The following FAAH variants were observed in gnomAD, a reference collection of about 807,000 sequenced individuals.
The protein encoded by FAAH is fatty acid amide hydrolase.
A neutral mutation model predicts 69.7 loss-of-function variants in FAAH; 63 were observed. The observed-to-expected ratio is 0.90, with a 90% CI of 0.74 to 1.12. The LOEUF (loss-of-function observed/expected upper bound fraction) is 1.12, where lower values mean the gene tolerates loss of function less well. Ranked by LOEUF, FAAH falls within the 50% of genes most tolerant of loss-of-function variation. FAAH has a pLI of 0.00. For synonymous variants in FAAH, 305 were observed against 324.2 expected, an observed-to-expected ratio of 0.94 and a Z score of 0.64; for missense variants, 680 against 755.0, an observed-to-expected ratio of 0.90 and a Z score of 1.16.
At chr1:46,403,091 T>C (rs1664732424) in intron 2 of FAAH, among the ~76,000 whole-genome samples, 2 of 151,620 alleles carry the variant, frequency 1.3e-5, no homozygotes, top group African/African-American at 4.8e-5. Flanking sequence ...GCCTCGGCCT[T>C]CCAAAGTGCT....
At position 46,410,409 on chromosome 1, in the gene FAAH, T is replaced by C; in HGVS notation, c.1187T>C (p.Phe396Ser). Residue 396 changes from phenylalanine (F) to serine (S), a missense_variant, in exon 10 of 15, where the codon TTC becomes TCC. Physicochemically the swap from Phe to Ser is radical, Grantham distance 155. Coordinates refer to ENST00000243167, the MANE Select transcript of FAAH (RefSeq NM_001441.3). This position sits in a 1 kb window ranked among gnomAD's most constrained non-coding sequence, Gnocchi z 4.9. The stretch of plus-strand genomic sequence containing the variant: ...ATTTTGTTTCCCAGCAAAGGTGATT[T>C]CGTGGACCCCTGCCTGGGGGACCTG... ...HTFLQNFKGD[F>S]VDPCLGDLVS... 2 of 1,614,104 alleles carry C rather than the reference T, an allele frequency of 1.2e-6. No individual in the cohort carries two copies. Among genetic ancestry groups the C allele is most frequent in the South Asian group, 2.2e-5 (2 of 91,084 alleles).
rs77520097 is a variant in FAAH, at chr1:46,405,699, C to T, written c.690C>T (p.Ser230=). 14 of 1,613,440 alleles carry T rather than the reference C, an allele frequency of 8.7e-6. No homozygotes were observed. The East Asian group carries it at 2.0e-4, about 23-fold the overall frequency. Residue 230 remains serine (S), a synonymous_variant, in exon 5 of 15, where the codon TCC becomes TCT. Transcript: ENST00000243167. This position sits in a 1 kb window ranked among gnomAD's most constrained non-coding sequence, Gnocchi z 4.1. ...GGGCCCTCATCGGGTCTGGAGGCTC[C>T]CCCCTGGGCTTAGGCACTGATATCG... The part of the protein sequence containing the change: ...GEGALIGSGG[S]PLGLGTDIGG...
intron 14 of FAAH, 45 bp downstream of exon 14, chr1:46,413,265 ACT>A (rs946312558): frequency 1.9e-6 from 3 of 1,613,382 alleles, no homozygotes; most frequent in Admixed American, 1.7e-5. Context: ...CCCCACCCTG[ACT>A]CTGGCCGCTG....
Position 46,404,288 on chromosome 1 carries a change from A to G in FAAH, c.310-726A>G, listed in dbSNP as rs1224777835. The stretch of plus-strand genomic sequence containing the variant: ...TTTGCACATGCCTGAATATGGCAAC[A>G]CAGCCCACCCTGTTTCCCCCAGATA... On this transcript the variant is annotated intron_variant, in intron 2 of 14. Transcript: ENST00000243167. The surrounding 1 kb of genome is among the most constrained non-coding windows in gnomAD (Gnocchi z 4.5). Among the ~76,000 whole-genome samples the G allele has an allele frequency of 6.6e-6, 1 of 152,218 alleles. No individual in the cohort carries two copies. Among genetic ancestry groups the G allele is most frequent in the Non-Finnish European group, 1.5e-5 (1 of 68,036 alleles).
At chr1:46,395,424 A>C (rs939838100) in intron 1 of FAAH, among the ~76,000 whole-genome samples, 2 of 152,148 alleles carry the variant, frequency 1.3e-5, no homozygotes, top group African/African-American at 4.8e-5. Context: ...GTGGTCTGTC[A>C]ACAAGCTTTT....
intron 1 of FAAH, among the ~76,000 whole-genome samples, chr1:46,400,245 A>G (rs1453475231): frequency 6.6e-6 from 1 of 151,890 alleles, no homozygotes; most frequent in Non-Finnish European, 1.5e-5. Context: ...GTCTGAGAGG[A>G]CCACAGCTTG....
In FAAH at chr1:46,413,684, CT is replaced by C; in HGVS notation, c.*111del. ...GGAAATGTCCTGCATGGGGCAGAGG[CT>C]TCCGTGTCCTCTCCCCCAACCCCCT... On this transcript the variant is annotated 3_prime_UTR_variant, in exon 15 of 15. Coordinates refer to ENST00000243167, the MANE Select transcript of FAAH (RefSeq NM_001441.3). 1 of 1,505,428 alleles carries C rather than the reference CT, an allele frequency of 6.6e-7. No individual in the cohort carries two copies. The highest frequency in any genetic ancestry group is 9.1e-7 in the Non-Finnish European group (1 of 1,096,752). The allele number at this position is 1,505,428 out of a possible 1,614,324, so 93.3% of individuals were successfully genotyped here.
chr1:46,399,377 G>C (rs1557756841), intron 1 of FAAH, among the ~76,000 whole-genome samples: 1 of 152,248 alleles, frequency 6.6e-6, no homozygotes, highest in Non-Finnish European at 1.5e-5. Flanking sequence ...TTCTGGAGGT[G>C]CAGACTTACT....
intron 1 of FAAH, among the ~76,000 whole-genome samples, chr1:46,398,856 A>C (rs7528704): frequency 0.036 from 5,437 of 152,252 alleles, 328 homozygotes; most frequent in African/African-American, 0.12. Flanking sequence ...TCCAAGGAGG[A>C]CACAGCTGGA....
Position 46,407,403 on chromosome 1 carries a change from G to A in FAAH, c.951+1035G>A, listed in dbSNP as rs182872709. The stretch of plus-strand genomic sequence containing the variant: ...CACAGCAGGGTGTGGATTTTGAGGC[G>A]AGAGGTGTCAACCGATGCTTCCTGT... On this transcript the variant is annotated intron_variant, in intron 7 of 14. Transcript: ENST00000243167. Among the ~76,000 whole-genome samples the A allele has an allele frequency of 2.8e-3, 433 of 152,250 alleles. 1 individual carries two copies. Among genetic ancestry groups the A allele is most frequent in the African/African-American group, 9.6e-3 (397 of 41,544 alleles).
At position 46,406,040 on chromosome 1, in the gene FAAH, AG is replaced by A. The variant is rs1412922576; in HGVS notation, c.789del (p.Ser264ValfsTer3). Reference sequence around the variant, plus strand: ...AGCATCTTATGTTTCTTATCCAGCAAGAGTGGCCTGAAGGGCTGTGTCTATG... The same window carrying A: ...AGCATCTTATGTTTCTTATCCAGCAAAGTGGCCTGAAGGGCTGTGTCTATG... ...GLKPTGNRLSKSGLKGCVYGQ... is the reference protein window; with the variant it reads ...GLKPTGNRLSXSGLKGCVYGQ... On this transcript the variant is annotated frameshift_variant, in exon 6 of 15. Coordinates refer to ENST00000243167, the MANE Select transcript of FAAH (RefSeq NM_001441.3). LOFTEE classifies it high-confidence loss of function. 3 of 1,614,132 alleles carry A rather than the reference AG, an allele frequency of 1.9e-6. No individual in the cohort carries two copies. Among genetic ancestry groups the A allele is most frequent in the East Asian group, 4.5e-5 (2 of 44,878 alleles).
chr1:46,406,480 C>T, intron 7 of FAAH, 112 bp downstream of exon 7: 1 of 1,501,270 alleles, frequency 6.7e-7, no homozygotes. Flanking sequence ...CCCCAGGCCT[C>T]TGAGGCCAGG....
intron 1 of FAAH, among the ~76,000 whole-genome samples, chr1:46,401,208 A>G (rs1490908998): frequency 2.1e-5 from 3 of 145,750 alleles, no homozygotes; most frequent in Non-Finnish European, 4.5e-5. Context: ...GGAGGAATGG[A>G]AGCAGGAGGA....
In FAAH at chr1:46,405,489, C is replaced by T; in HGVS notation, c.562C>T (p.Pro188Ser). 6.2e-7 allele frequency: 1 copy of T among 1,612,808 alleles called. No individual in the cohort carries two copies. The highest frequency in any genetic ancestry group is 8.5e-7 in the Non-Finnish European group (1 of 1,179,690). Residue 188 changes from proline (P) to serine (S), a missense_variant, in exon 4 of 15, where the codon CCA becomes TCA. By Grantham distance (74) the Pro-to-Ser change is moderately conservative. Coordinates refer to ENST00000243167, the MANE Select transcript of FAAH (RefSeq NM_001441.3). The surrounding 1 kb of genome is among the most constrained non-coding windows in gnomAD (Gnocchi z 4.1). Reference protein sequence around the residue: ...GAVPFVHTNVPQSMFSYDCSN... With the variant: ...GAVPFVHTNVSQSMFSYDCSN... ...CGTGCCCTTCGTGCACACCAATGTT[C>T]CACAGTCCATGTTCAGGTTGGGTCT...
intron 9 of FAAH, chr1:46,409,965 T>A: frequency 5.4e-6 from 1 of 185,258 alleles, no homozygotes; most frequent in Non-Finnish European, 1.1e-5. Context: ...TGGGAATGAG[T>A]CCCCAGGATC....
At chr1:46,407,493 G>A (rs1179333376) in intron 7 of FAAH, among the ~76,000 whole-genome samples, 1 of 152,132 alleles carries the variant, frequency 6.6e-6, no homozygotes, top group Non-Finnish European at 1.5e-5. Context: ...AGGTGGGGGA[G>A]TGGCCAGTGG....
rs200508034 is a variant in FAAH, at chr1:46,412,263, C to T, written c.1465+12C>T. ...AGGCAGGGCCACAGGTGAGGCCCGA[C>T]ACCCTGCCTGTCCCTTCTGTGAATC... On this transcript the variant is annotated intron_variant, in intron 13 of 14. Transcript: ENST00000243167. 5 of 1,541,680 alleles carry T rather than the reference C, an allele frequency of 3.2e-6. No individual in the cohort carries two copies. The highest frequency in any genetic ancestry group is 4.4e-6 in the Non-Finnish European group (5 of 1,138,304).
At chr1:46,408,435 C>G in intron 7 of FAAH, 24 bp from the exon 8 acceptor site, 1 of 1,614,028 alleles carries the variant, frequency 6.2e-7, no homozygotes, top group East Asian at 2.2e-5. Context: ...TGACCTGCCC[C>G]TGTCCCCTGT....
At position 46,413,659 on chromosome 1, in the gene FAAH, G is replaced by A; in HGVS notation, c.*84G>A. The A allele has an allele frequency of 6.3e-7, 1 of 1,599,550 alleles. No homozygotes were observed. Among genetic ancestry groups the A allele is most frequent in the Non-Finnish European group, 8.6e-7 (1 of 1,169,424 alleles). Reference sequence around the variant, plus strand: ...CACAGCTGCCCTGCTGCCACAGCAAGGAAATGTCCTGCATGGGGCAGAGGC... The same window carrying A: ...CACAGCTGCCCTGCTGCCACAGCAAAGAAATGTCCTGCATGGGGCAGAGGC... On this transcript the variant is annotated 3_prime_UTR_variant, in exon 15 of 15. Transcript: ENST00000243167.
Sources: allele counts gnomAD v4.1 joint callset (sites outside exome capture counted in the v4.1 genomes callset), GRCh38; gene constraint gnomAD v4.1.1; non-coding constraint Gnocchi (gnomAD v3.1); transcripts MANE v1.5; gene names NCBI Gene and HGNC (gene_info 2026-07-23, HGNC 2026-07-21).